ANO3: variants seen among roughly 807,000 people sequenced by gnomAD.
ANO3 encodes the protein anoctamin-3.
ANO3 carries 99 observed loss-of-function variants against 144.8 expected under a neutral mutation model. The observed-to-expected ratio is 0.68, with a 90% CI of 0.58 to 0.81. ANO3 has a LOEUF of 0.81. Among genes scored for constraint, ANO3 ranks in the 30% least tolerant of loss-of-function variants. ANO3 has a pLI of 0.00. For missense variants in ANO3, 905 were observed against 1,202.2 expected (o/e 0.75, Z 3.66); for synonymous variants, 414 against 392.6 (o/e 1.05, Z -0.64).
chr11:26,650,818 A>G (rs1047350580), intron 24 of ANO3, among the ~76,000 whole-genome samples: 1 of 152,214 alleles, frequency 6.6e-6, no homozygotes, highest in Non-Finnish European at 1.5e-5. Context: ...TACTCATGTG[A>G]TCGTTGGAGT....
chr11:26,262,261 A>G (rs1853207512), intron 1 of ANO3, among the ~76,000 whole-genome samples: 1 of 151,766 alleles, frequency 6.6e-6, no homozygotes, highest in South Asian at 2.1e-4. Context: ...TTATCTATGT[A>G]CTCTTCTCCC....
chr11:26,321,739 T>C (rs1420172941), intron 1 of ANO3, among the ~76,000 whole-genome samples: 1 of 152,070 alleles, frequency 6.6e-6, no homozygotes, highest in Non-Finnish European at 1.5e-5. Flanking sequence ...ATCTCCTTCC[T>C]GTTTCCCTTC....
chr11:26,297,064 A>G (rs888994333), intron 1 of ANO3, among the ~76,000 whole-genome samples: 5 of 152,088 alleles, frequency 3.3e-5, no homozygotes, highest in African/African-American at 1.2e-4. Flanking sequence ...TGATCAAAAT[A>G]TTTATATAAT....
At position 26,534,528 on chromosome 11, in the gene ANO3, A is replaced by G; in HGVS notation, c.942A>G (p.Glu314=). The change falls in exon 9 of 27, where the codon GAA becomes GAG. Residue 314 remains glutamate, a synonymous_variant. Transcript: ENST00000256737. ...GCAGAATAGTCTATCACATGCTGGA[A>G]CGCACCAAATATGAAAATGGAATAT... ...TRSRIVYHML[E]RTKYENGISK... The G allele has an allele frequency of 6.2e-7, 1 of 1,612,980 alleles. No homozygotes were observed. Among genetic ancestry groups the G allele is most frequent in the Non-Finnish European group, 8.5e-7 (1 of 1,179,316 alleles).
At chr11:26,415,049 G>GGTGTGTGTGTGT (rs747260200) in intron 1 of ANO3, among the ~76,000 whole-genome samples, 1 of 93,414 alleles carries the variant, frequency 1.1e-5, no homozygotes, top group South Asian at 4.6e-4. Flanking sequence ...AAAAGTTATT[G>GGTGTGTGTGTGT]GTGTGTATGT....
intron 3 of ANO3, among the ~76,000 whole-genome samples, chr11:26,457,334 G>GA (rs57184880): frequency 0.82 from 118,892 of 145,258 alleles, 48,772 homozygotes; most frequent in East Asian, 0.99. Flanking sequence ...TTTTGACTCT[G>GA]AAAAAAAAAA....
chr11:26,368,246 A>T (rs899150219), intron 1 of ANO3, among the ~76,000 whole-genome samples: 1 of 152,216 alleles, frequency 6.6e-6, no homozygotes, highest in African/African-American at 2.4e-5. Context: ...TCTCTGCTTC[A>T]TCACTGTGAA....
At chr11:26,643,393 TGA>T in intron 23 of ANO3, 59 bp downstream of exon 23, 1 of 1,587,368 alleles carries the variant, frequency 6.3e-7, no homozygotes. Context: ...TGCTATGGTT[TGA>T]GTGTGCCCCC....
At chr11:26,581,317 T>TG (rs1851123249) in intron 14 of ANO3, among the ~76,000 whole-genome samples, 1 of 151,770 alleles carries the variant, frequency 6.6e-6, no homozygotes, top group South Asian at 2.1e-4. Context: ...CTTTTTTTTT[T>TG]TTTTGTATGC....
chr11:26,452,775 T>C (rs1465940457), intron 3 of ANO3, among the ~76,000 whole-genome samples: 1 of 112,876 alleles, frequency 8.9e-6, no homozygotes, highest in East Asian at 2.7e-4. Flanking sequence ...AGACACATAA[T>C]TGTCAGATTC....
At chr11:26,207,590 C>A (rs533953061) in intron 1 of ANO3, among the ~76,000 whole-genome samples, 1 of 151,876 alleles carries the variant, frequency 6.6e-6, no homozygotes, top group Non-Finnish European at 1.5e-5. Context: ...ATCCTCGTAA[C>A]GACCAAATGA....
At chr11:26,417,447 G>T (rs960617868) in intron 1 of ANO3, among the ~76,000 whole-genome samples, 10 of 152,022 alleles carry the variant, frequency 6.6e-5, no homozygotes, top group African/African-American at 2.4e-4. Context: ...TCCAAAATTG[G>T]GGCTTGGCCT....
At chr11:26,607,501 G>A (rs1206295173) in intron 17 of ANO3, among the ~76,000 whole-genome samples, 1 of 152,220 alleles carries the variant, frequency 6.6e-6, no homozygotes, top group African/African-American at 2.4e-5. Context: ...TTTCTCAGAG[G>A]CTTTGTTTAT....
intron 1 of ANO3, among the ~76,000 whole-genome samples, chr11:26,241,503 C>G (rs950079934): frequency 1.3e-5 from 2 of 152,160 alleles, no homozygotes; most frequent in Non-Finnish European, 2.9e-5. Flanking sequence ...TTTATACCAA[C>G]TTTGTACAAA....
chr11:26,395,507 A>T (rs1052073920), intron 1 of ANO3, among the ~76,000 whole-genome samples: 1 of 152,026 alleles, frequency 6.6e-6, no homozygotes, highest in Non-Finnish European at 1.5e-5. Context: ...TTTGTAAGTT[A>T]TATTCCTAGA....
chr11:26,385,005 C>T (rs1856686220), intron 1 of ANO3, among the ~76,000 whole-genome samples: 1 of 152,170 alleles, frequency 6.6e-6, no homozygotes, highest in African/African-American at 2.4e-5. Flanking sequence ...TATCCCTTTT[C>T]TCAAGTTATT....
intron 1 of ANO3, among the ~76,000 whole-genome samples, chr11:26,398,279 T>A (rs991114423): frequency 1.3e-5 from 2 of 152,028 alleles, no homozygotes; most frequent in African/African-American, 4.8e-5. Flanking sequence ...TAGTGAGTTT[T>A]TGCAGGTAAT....
chr11:26,373,472 G>A (rs927856986), intron 1 of ANO3, among the ~76,000 whole-genome samples: 2 of 152,164 alleles, frequency 1.3e-5, no homozygotes, highest in Non-Finnish European at 2.9e-5. Flanking sequence ...CCCCAGCCAT[G>A]TGAAACTGTG....
chr11:26,504,889 G>A (rs1861357505), intron 4 of ANO3, among the ~76,000 whole-genome samples: 1 of 151,968 alleles, frequency 6.6e-6, no homozygotes, highest in South Asian at 2.1e-4. Flanking sequence ...GCGGGCGCCT[G>A]TAGTCCGAGC....
Sources: allele counts gnomAD v4.1 joint callset (sites outside exome capture counted in the v4.1 genomes callset), GRCh38; gene constraint gnomAD v4.1.1; transcripts MANE v1.5; gene names NCBI Gene and HGNC (gene_info 2026-07-23, HGNC 2026-07-21).